The following UGGT2 variants were observed in gnomAD, a reference collection of about 807,000 sequenced individuals.
The protein encoded by UGGT2 is UDP-glucose:glycoprotein glucosyltransferase 2.
A neutral mutation model predicts 192.1 loss-of-function variants in UGGT2; 180 were observed. The observed-to-expected ratio is 0.94, with a 90% CI of 0.83 to 1.06. UGGT2 has a LOEUF of 1.06. UGGT2 is among the 50% of genes least tolerant of loss of function. UGGT2 has a pLI of 0.00. For missense variants in UGGT2, 1,849 were observed against 1,795.7 expected (o/e 1.03, Z -0.54); for synonymous variants, 580 against 591.0 (o/e 0.98, Z 0.27).
chr13:95,944,398 C>G lies in UGGT2; in HGVS notation c.1677+2639G>C, dbSNP rs548833247. The stretch of plus-strand genomic sequence containing the variant: ...AACATGGTCTCCAAATTCTTCAACA[C>G]TCCTTCCATTGAGAAGTGGGTATAT... On this transcript the variant is annotated intron_variant, in intron 15 of 38. Transcript: ENST00000376747. Among the ~76,000 whole-genome samples the G allele has an allele frequency of 2.0e-5, 3 of 152,156 alleles. No individual in the cohort carries two copies. In the South Asian group the frequency reaches 6.2e-4, roughly 32 times the overall value.
At chr13:95,824,158 T>A (rs1566548679) in intron 38 of UGGT2, among the ~76,000 whole-genome samples, 2 of 152,186 alleles carry the variant, frequency 1.3e-5, no homozygotes, top group Non-Finnish European at 2.9e-5. Flanking sequence ...CTGAGAAGTC[T>A]GCTGTTAGTC....
At chr13:95,927,876 C>T (rs1249537273) in intron 17 of UGGT2, among the ~76,000 whole-genome samples, 2 of 152,144 alleles carry the variant, frequency 1.3e-5, no homozygotes, top group Non-Finnish European at 2.9e-5. Context: ...TCTTAACGAA[C>T]ATGCTGCCTT....
intron 10 of UGGT2, among the ~76,000 whole-genome samples, chr13:95,983,298 C>A: frequency 6.6e-6 from 1 of 152,258 alleles, no homozygotes; most frequent in East Asian, 1.9e-4. Flanking sequence ...TAAAGCCAAA[C>A]CGGTCCTATG....
intron 38 of UGGT2, among the ~76,000 whole-genome samples, chr13:95,818,409 T>C (rs1051686380): frequency 6.6e-6 from 1 of 152,084 alleles, no homozygotes; most frequent in African/African-American, 2.4e-5. Context: ...GTTAATAATA[T>C]ATAACAACAA....
chr13:95,985,423 T>A (rs573472732), intron 9 of UGGT2: 2 of 354,414 alleles, frequency 5.6e-6, no homozygotes, highest in African/African-American at 4.3e-5. Context: ...ACTATTTATT[T>A]ACTTTCAAAA....
intron 22 of UGGT2, among the ~76,000 whole-genome samples, chr13:95,898,647 G>A (rs1479487792): frequency 6.6e-6 from 1 of 152,124 alleles, no homozygotes; most frequent in Non-Finnish European, 1.5e-5. Context: ...CCTAATGGGA[G>A]GTGTTTAGGT....
At position 95,863,725 on chromosome 13, in the gene UGGT2, T is replaced by C; in HGVS notation, c.3559-11A>G. ...TGTTTCTTTTTTCACCTAGATAGCA[T>C]GGCAAAAAAGATTAGAATTTGGCTG... is the stretch of plus-strand genomic sequence containing the variant. On this transcript the variant is annotated splice_polypyrimidine_tract_variant and intron_variant, in intron 30 of 38. Transcript: ENST00000376747. 1.2e-6 allele frequency: 2 copies of C among 1,604,522 alleles called. No individual in the cohort carries two copies. The highest frequency in any genetic ancestry group is 1.7e-6 in the Non-Finnish European group (2 of 1,171,974).
At chr13:95,889,933 C>T (rs2047752953) in intron 25 of UGGT2, among the ~76,000 whole-genome samples, 2 of 152,148 alleles carry the variant, frequency 1.3e-5, no homozygotes, top group African/African-American at 2.4e-5. Context: ...GATGTTAGGG[C>T]CTGACTGGTG....
rs1364876007 is a variant in UGGT2, at chr13:95,962,913, TCA to T, written c.1335+7197_1335+7198del. Among the ~76,000 whole-genome samples, 7 of 151,880 alleles carry T rather than the reference TCA, an allele frequency of 4.6e-5. No individual in the cohort carries two copies. The East Asian group carries it at 1.2e-3, about 25-fold the overall frequency. On this transcript the variant is annotated intron_variant, in intron 12 of 38. Transcript: ENST00000376747. The stretch of plus-strand genomic sequence containing the variant: ...ACGGTGGGAGGCATGGAGGAACAAG[TCA>T]CATCTTATATGGATGGCAGCAAGCA...
chr13:95,985,239 CCATA>C (rs1407097970), intron 9 of UGGT2: 2 of 1,210,012 alleles, frequency 1.7e-6, no homozygotes, highest in Non-Finnish European at 1.1e-6. Flanking sequence ...TTATACACAC[CCATA>C]TATATTTCAT....
chr13:96,045,064 C>T (rs1190410874), intron 1 of UGGT2, among the ~76,000 whole-genome samples: 1 of 152,072 alleles, frequency 6.6e-6, no homozygotes, highest in South Asian at 2.1e-4. Context: ...ATACCAATAT[C>T]CCTGATGAAC....
chr13:95,909,881 A>C (rs2048430007), intron 20 of UGGT2, among the ~76,000 whole-genome samples: 1 of 151,830 alleles, frequency 6.6e-6, no homozygotes, highest in African/African-American at 2.4e-5. Flanking sequence ...CATCAGACTA[A>C]CAACGGACCT....
intron 22 of UGGT2, among the ~76,000 whole-genome samples, chr13:95,899,434 T>A (rs931136125): frequency 9.9e-5 from 15 of 152,156 alleles, no homozygotes; most frequent in Non-Finnish European, 1.9e-4. Context: ...ACAGTAGGTG[T>A]AAGATTAATA....
intron 38 of UGGT2, among the ~76,000 whole-genome samples, chr13:95,824,856 CAT>C (rs1324625583): frequency 6.6e-6 from 1 of 152,134 alleles, no homozygotes; most frequent in African/African-American, 2.4e-5. Context: ...ACTGTTTTGT[CAT>C]ATTACCAGAA....
chr13:95,925,950 AAAAT>A (rs1382591878), intron 19 of UGGT2, among the ~76,000 whole-genome samples, 176 bp from the exon 20 acceptor site: 2 of 152,112 alleles, frequency 1.3e-5, no homozygotes, highest in African/African-American at 4.8e-5. Context: ...TATACATACA[AAAAT>A]AAATACATAT....
chr13:95,907,337 G>C (rs1342511961), intron 20 of UGGT2, among the ~76,000 whole-genome samples: 3 of 152,236 alleles, frequency 2.0e-5, no homozygotes, highest in Non-Finnish European at 4.4e-5. Flanking sequence ...GGGCTTAGCA[G>C]AACAAAAGGC....
At chr13:95,891,041 A>G (rs1039910536) in intron 24 of UGGT2, 77 bp from the exon 25 acceptor site, 1 of 1,003,870 alleles carries the variant, frequency 1.0e-6, no homozygotes, top group Admixed American at 3.0e-5. Context: ...TAGCTATATA[A>G]TTCTTATAAA....
chr13:96,005,738 T>C (rs1184761570), intron 5 of UGGT2, among the ~76,000 whole-genome samples: 1 of 152,170 alleles, frequency 6.6e-6, no homozygotes, highest in Non-Finnish European at 1.5e-5. Context: ...GAATATCCCC[T>C]TCCTTAGCTG....
At chr13:95,874,356 C>CTCT (rs1891478382) in intron 29 of UGGT2, among the ~76,000 whole-genome samples, 1 of 152,100 alleles carries the variant, frequency 6.6e-6, no homozygotes. Context: ...AGGCACAATA[C>CTCT]TCTTGCCTTT....
Sources: gnomAD v4.1 joint callset for allele counts (sites outside exome capture counted in the v4.1 genomes callset) on GRCh38, gnomAD v4.1.1 for gene constraint, MANE v1.5 for transcripts, NCBI Gene and HGNC (gene_info 2026-07-23, HGNC 2026-07-21) for gene names.